COTL1: variants seen among roughly 807,000 people sequenced by gnomAD.
The protein encoded by COTL1 is coactosin-like protein.
A neutral mutation model predicts 16.5 loss-of-function variants in COTL1; 15 were observed. The ratio of observed to expected loss-of-function variants is 0.91; its 90% CI spans 0.61 to 1.40. The LOEUF (loss-of-function observed/expected upper bound fraction) is 1.40. Among genes scored for constraint, COTL1 ranks in the 40% most tolerant of loss-of-function variants. COTL1 has a pLI of 0.00. For missense variants in COTL1, 220 were observed against 201.5 expected (o/e 1.09, Z -0.56); for synonymous variants, 112 against 85.3 (o/e 1.31, Z -1.73).
intron 2 of COTL1, among the ~76,000 whole-genome samples, chr16:84,612,693 G>A (rs980056088): frequency 1.3e-5 from 2 of 152,112 alleles, no homozygotes; most frequent in African/African-American, 4.8e-5. Flanking sequence ...TGAGGCAGGA[G>A]AATCTCTTGA....
At chr16:84,616,905 C>G (rs1025646450) in intron 2 of COTL1, among the ~76,000 whole-genome samples, 2 of 152,222 alleles carry the variant, frequency 1.3e-5, no homozygotes, top group Non-Finnish European at 2.9e-5. Flanking sequence ...CCCTCCCCAT[C>G]AGTGGCTATC....
intron 3 of COTL1, chr16:84,567,755 C>T (rs912799653): frequency 7.9e-5 from 12 of 152,244 alleles, no homozygotes; most frequent in African/African-American, 2.7e-4. Flanking sequence ...ACCCATGATG[C>T]ACTCAGTAAA....
chr16:84,577,061 A>T (rs1904469198), intron 3 of COTL1: 1 of 152,294 alleles, frequency 6.6e-6, no homozygotes, highest in South Asian at 2.1e-4. Context: ...CCCAAGGAAG[A>T]GGAGCCAAAT....
rs923595312 is a variant in COTL1 at position 84,612,339 on chromosome 16, G to A, written c.160+5162C>T. Among the ~76,000 whole-genome samples, 6 of 152,028 alleles carry A rather than the reference G, an allele frequency of 3.9e-5. No homozygotes were observed. In the East Asian group the frequency reaches 5.8e-4, roughly 15 times the overall value. On this transcript the variant is annotated intron_variant, in intron 2 of 3. Coordinates refer to ENST00000262428, the MANE Select transcript of COTL1 (RefSeq NM_021149.5). Reference sequence around the variant, plus strand: ...TCATCATGCTCCTTCATGCAGACCCGGGCCAAGGGTCTAATGCGTGTCCAC... The same window carrying A: ...TCATCATGCTCCTTCATGCAGACCCAGGCCAAGGGTCTAATGCGTGTCCAC...
chr16:84,606,983 C>T (rs1905222946), intron 2 of COTL1, among the ~76,000 whole-genome samples: 1 of 152,134 alleles, frequency 6.6e-6, no homozygotes, highest in South Asian at 2.1e-4. Context: ...AAGCCTATGA[C>T]CCAGGATTCA....
intron 2 of COTL1, among the ~76,000 whole-genome samples, chr16:84,591,122 T>C (rs2150688135): frequency 6.6e-6 from 1 of 152,226 alleles, no homozygotes; most frequent in African/African-American, 2.4e-5. Context: ...CACAATCCAC[T>C]ATGCTAAGTT....
intron 3 of COTL1, among the ~76,000 whole-genome samples, chr16:84,578,587 A>T (rs896700232): frequency 6.6e-6 from 1 of 152,128 alleles, no homozygotes; most frequent in Non-Finnish European, 1.5e-5. Flanking sequence ...ACACACAGGC[A>T]TGCACGCACA....
chr16:84,578,197 C>T (rs779831620), intron 3 of COTL1, among the ~76,000 whole-genome samples: 1 of 152,172 alleles, frequency 6.6e-6, no homozygotes, highest in Non-Finnish European at 1.5e-5. Flanking sequence ...AGGTTCAGAT[C>T]TTCAACTTCT....
chr16:84,599,719 A>G (rs1482839547), intron 2 of COTL1, among the ~76,000 whole-genome samples: 1 of 152,218 alleles, frequency 6.6e-6, no homozygotes, highest in Non-Finnish European at 1.5e-5. Flanking sequence ...AAGCTGCCCT[A>G]ACTTTACAGA....
intron 2 of COTL1, among the ~76,000 whole-genome samples, chr16:84,615,007 C>A (rs1326095657): frequency 6.6e-6 from 1 of 152,188 alleles, no homozygotes; most frequent in East Asian, 1.9e-4. Context: ...AACCTTAGTA[C>A]CTGCCACACC....
chr16:84,583,093 C>A (rs17825998), intron 3 of COTL1, among the ~76,000 whole-genome samples: 1 of 152,116 alleles, frequency 6.6e-6, no homozygotes, highest in African/African-American at 2.4e-5. Context: ...GTGCCAGAAG[C>A]CTTGGGAAAT....
chr16:84,609,195 C>T (rs950828104), intron 2 of COTL1, among the ~76,000 whole-genome samples: 10 of 152,212 alleles, frequency 6.6e-5, no homozygotes, highest in Admixed American at 3.3e-4. Flanking sequence ...TGCCGGCTCT[C>T]TGTGTGTTGT....
chr16:84,599,520 C>G (rs1307837936), intron 2 of COTL1, among the ~76,000 whole-genome samples: 1 of 152,086 alleles, frequency 6.6e-6, no homozygotes, highest in East Asian at 1.9e-4. Flanking sequence ...TTGTTATGGC[C>G]CCAGCACTGA....
At chr16:84,600,076 A>C (rs1483715120) in intron 2 of COTL1, among the ~76,000 whole-genome samples, 2 of 152,108 alleles carry the variant, frequency 1.3e-5, no homozygotes, top group Non-Finnish European at 2.9e-5. Context: ...GCTGAAGTTG[A>C]AGGGAGAGCT....
At chr16:84,569,096 A>C (rs1904310888) in intron 3 of COTL1, 1 of 152,390 alleles carries the variant, frequency 6.6e-6, no homozygotes, top group Admixed American at 6.5e-5. Context: ...CGAGGCAGGC[A>C]GATCACCTGA....
intron 2 of COTL1, among the ~76,000 whole-genome samples, chr16:84,604,822 C>T (rs1002485202): frequency 2.0e-5 from 3 of 152,218 alleles, no homozygotes; most frequent in Non-Finnish European, 2.9e-5. Context: ...ACCCCTGGCC[C>T]GCCTGAAGCA....
chr16:84,600,453 C>T (rs913406471), intron 2 of COTL1, among the ~76,000 whole-genome samples: 2 of 151,980 alleles, frequency 1.3e-5, no homozygotes, highest in South Asian at 2.1e-4. Context: ...GCAGGGATTA[C>T]AGGCACCTGC....
chr16:84,614,835 C>T (rs1319607365), intron 2 of COTL1, among the ~76,000 whole-genome samples: 3 of 152,160 alleles, frequency 2.0e-5, no homozygotes, highest in Non-Finnish European at 4.4e-5. Flanking sequence ...AGCAATCCCA[C>T]GAGAGGTGAG....
chr16:84,610,118 A>G (rs1905290761), intron 2 of COTL1, among the ~76,000 whole-genome samples: 1 of 152,202 alleles, frequency 6.6e-6, no homozygotes, highest in Non-Finnish European at 1.5e-5. Flanking sequence ...TTGGTCTCAC[A>G]AGGTTAAATA....
Sources: gnomAD v4.1 joint callset for allele counts (sites outside exome capture counted in the v4.1 genomes callset) on GRCh38, gnomAD v4.1.1 for gene constraint, MANE v1.5 for transcripts, NCBI Gene and HGNC (gene_info 2026-07-23, HGNC 2026-07-21) for gene names.